The following KIF5C variants were observed in gnomAD, a reference collection of about 807,000 sequenced individuals.
KIF5C encodes kinesin heavy chain isoform 5C.
A neutral mutation model predicts 125.2 loss-of-function variants in KIF5C; 18 were observed. The ratio of observed to expected loss-of-function variants is 0.14; its 90% CI spans 0.10 to 0.21. The LOEUF is 0.21. Ranked by LOEUF, KIF5C falls within the 10% of genes least tolerant of loss-of-function variation. The pLI is 1.00. For missense variants in KIF5C, 780 were observed against 1,183.8 expected (o/e 0.66, Z 5.01); for synonymous variants, 405 against 434.0 (o/e 0.93, Z 0.83).
intron 25 of KIF5C, among the ~76,000 whole-genome samples, chr2:149,013,718 A>G (rs561885707): frequency 6.6e-6 from 1 of 152,322 alleles, no homozygotes; most frequent in South Asian, 2.1e-4. Context: ...TCTGGGGTCC[A>G]GAGATTGTGC....
intron 16 of KIF5C, among the ~76,000 whole-genome samples, chr2:148,992,916 C>T (rs982926362): frequency 6.6e-6 from 1 of 152,208 alleles, no homozygotes; most frequent in Non-Finnish European, 1.5e-5. Context: ...TCTAACATTT[C>T]GGGGCCAAGG....
intron 3 of KIF5C, among the ~76,000 whole-genome samples, chr2:148,929,585 A>C (rs1682123998): frequency 6.6e-6 from 1 of 152,262 alleles, no homozygotes; most frequent in Non-Finnish European, 1.5e-5. Flanking sequence ...GTAACAATAC[A>C]TTCTATTCAG....
intron 15 of KIF5C, among the ~76,000 whole-genome samples, chr2:148,987,674 G>A (rs1037520692): frequency 3.3e-5 from 5 of 152,074 alleles, no homozygotes; most frequent in African/African-American, 1.2e-4. Context: ...GGTCTGTTCA[G>A]TCATTCGGGG....
rs368037033 is a variant in KIF5C, at chr2:148,950,394, C to T, written c.900C>T (p.Ile300=). The change falls in exon 10 of 26, where the codon ATC becomes ATT. Residue 300 remains isoleucine (I), a synonymous_variant. Transcript: ENST00000435030. ...DSLGGNCRTT[I]VICCSPSVFN... ...TGGGTGGGAACTGCAGAACCACCAT[C>T]GTCATTTGCTGTTCTCCTTCTGTCT... is the stretch of plus-strand genomic sequence containing the variant. 8 of 1,614,010 alleles carry T rather than the reference C, an allele frequency of 5.0e-6. No homozygotes were observed. The highest frequency in any genetic ancestry group is 2.2e-5 in the South Asian group (2 of 91,070).
intron 4 of KIF5C, among the ~76,000 whole-genome samples, chr2:148,940,369 C>G (rs569149394): frequency 3.3e-5 from 5 of 152,270 alleles, no homozygotes; most frequent in South Asian, 2.1e-4. Context: ...GCAGATGTTG[C>G]TAGGGATACA....
intron 1 of KIF5C, among the ~76,000 whole-genome samples, chr2:148,897,498 C>T (rs542488852): frequency 6.6e-5 from 10 of 152,076 alleles, no homozygotes; most frequent in Admixed American, 4.6e-4. Flanking sequence ...TAAAAGTATG[C>T]GATATTTATT....
At chr2:148,935,133 G>A (rs1455177170) in intron 3 of KIF5C, 2 of 354,888 alleles carry the variant, frequency 5.6e-6, no homozygotes, top group Non-Finnish European at 1.1e-5. Context: ...TGATTTTAGG[G>A]TGAGGACTTC....
chr2:149,006,513 G>A (rs1682013019), intron 22 of KIF5C, among the ~76,000 whole-genome samples: 1 of 152,214 alleles, frequency 6.6e-6, no homozygotes, highest in Non-Finnish European at 1.5e-5. Flanking sequence ...GGAAACCCAA[G>A]GAGACTAGAC....
chr2:148,949,374 G>A (rs1030122543), intron 8 of KIF5C, among the ~76,000 whole-genome samples: 8 of 151,986 alleles, frequency 5.3e-5, no homozygotes, highest in African/African-American at 1.7e-4. Flanking sequence ...CAACCCTACC[G>A]CCTCTAGTCA....
chr2:148,957,434 C>G (rs142308924), intron 10 of KIF5C, among the ~76,000 whole-genome samples: 1 of 151,832 alleles, frequency 6.6e-6, no homozygotes, highest in Non-Finnish European at 1.5e-5. Context: ...CCTTCATTCT[C>G]TAAATTTGCC....
At chr2:148,990,697 T>C (rs1225859925) in intron 15 of KIF5C, among the ~76,000 whole-genome samples, 1 of 152,230 alleles carries the variant, frequency 6.6e-6, no homozygotes, top group Non-Finnish European at 1.5e-5. Context: ...ATGGAATACC[T>C]TTTTGAAGTT....
At chr2:149,018,642 G>A (rs1041383059) in intron 25 of KIF5C, among the ~76,000 whole-genome samples, 14 of 152,084 alleles carry the variant, frequency 9.2e-5, no homozygotes, top group South Asian at 4.1e-4. Flanking sequence ...CAGCCTTAGC[G>A]AGACTCTGTC....
Position 148,983,786 on chromosome 2 carries a change from A to G in KIF5C, c.1716+20A>G. On this transcript the variant is annotated intron_variant, in intron 15 of 25. Coordinates refer to ENST00000435030, the MANE Select transcript of KIF5C (RefSeq NM_004522.3). ...AAAACTGTAAGCCAGCCCTTCTTTT[A>G]TCCTCTCTACCTGCTCCTGTCAAGT... 6.3e-7 allele frequency: 1 copy of G among 1,584,464 alleles called. No homozygotes were observed. The highest frequency in any genetic ancestry group is 1.2e-5 in the South Asian group (1 of 85,518).
chr2:148,967,321 G>A (rs1284233153), intron 11 of KIF5C, among the ~76,000 whole-genome samples: 2 of 152,228 alleles, frequency 1.3e-5, no homozygotes, highest in Admixed American at 6.5e-5. Flanking sequence ...CTCCAAAGCA[G>A]AGGCAACAGG....
chr2:148,998,374 CAT>C (rs1388680814), intron 18 of KIF5C, 24 bp from the exon 19 acceptor site: 1 of 1,553,524 alleles, frequency 6.4e-7, no homozygotes, highest in East Asian at 2.4e-5. Flanking sequence ...GAGTAGATGA[CAT>C]GTTTCTCTTG....
chr2:148,951,480 C>G (rs1682657168), intron 10 of KIF5C, among the ~76,000 whole-genome samples: 3 of 152,164 alleles, frequency 2.0e-5, no homozygotes, highest in Admixed American at 2.0e-4. Flanking sequence ...CTGTCCAAGG[C>G]CTGACCTCCT....
At chr2:148,936,943 T>A (rs1300881503) in intron 3 of KIF5C, among the ~76,000 whole-genome samples, 47 of 152,182 alleles carry the variant, frequency 3.1e-4, no homozygotes, top group Admixed American at 3.1e-3. Flanking sequence ...TATATTCTCG[T>A]TCCTTCTCCT....
intron 11 of KIF5C, among the ~76,000 whole-genome samples, chr2:148,967,313 C>T (rs1395032716): frequency 1.3e-5 from 2 of 152,200 alleles, no homozygotes; most frequent in African/African-American, 4.8e-5. Context: ...TTCGCAGACT[C>T]CAAAGCAGAG....
chr2:148,991,311 G>C, intron 16 of KIF5C, 113 bp downstream of exon 16: 1 of 1,441,984 alleles, frequency 6.9e-7, no homozygotes, highest in Non-Finnish European at 9.1e-7. Flanking sequence ...ACTGCTTTGT[G>C]TAAGCTTGGC....
Sources: gnomAD v4.1 joint callset for allele counts (sites outside exome capture counted in the v4.1 genomes callset) on GRCh38, gnomAD v4.1.1 for gene constraint, MANE v1.5 for transcripts, NCBI Gene and HGNC (gene_info 2026-07-23, HGNC 2026-07-21) for gene names.